NKAIN3: variants seen among roughly 807,000 people sequenced by gnomAD.
The protein encoded by NKAIN3 is sodium/potassium transporting ATPase interacting 3.
In NKAIN3, 25 loss-of-function variants were observed where a neutral mutation model predicts 30.2. The observed-to-expected ratio is 0.83, with a 90% confidence interval of 0.60 to 1.16. The LOEUF (loss-of-function observed/expected upper bound fraction) is 1.16, where lower values mean the gene tolerates loss of function less well. Ranked by LOEUF, NKAIN3 falls within the 50% of genes most tolerant of loss-of-function variation. The pLI, the probability that NKAIN3 is intolerant of heterozygous loss-of-function variation, is 0.00. For synonymous variants in NKAIN3, 91 were observed against 89.6 expected (o/e 1.02, Z -0.09); for missense variants, 225 against 254.1 (o/e 0.89, Z 0.78).
intron 3 of NKAIN3, among the ~76,000 whole-genome samples, chr8:62,654,952 C>G (rs1225250478): frequency 6.6e-6 from 1 of 152,150 alleles, no homozygotes; most frequent in Admixed American, 6.6e-5. Context: ...GTAGTCCAGG[C>G]TGGAACAAGG....
intron 1 of NKAIN3, among the ~76,000 whole-genome samples, chr8:62,421,924 C>G (rs1312771084): frequency 6.6e-6 from 1 of 151,978 alleles, no homozygotes; most frequent in Non-Finnish European, 1.5e-5. Flanking sequence ...GATTCAAACT[C>G]AAGCCTCCAG....
At chr8:62,627,894 G>T (rs1374499775) in intron 3 of NKAIN3, among the ~76,000 whole-genome samples, 1 of 151,996 alleles carries the variant, frequency 6.6e-6, no homozygotes, top group Non-Finnish European at 1.5e-5. Flanking sequence ...CTGGGACGTG[G>T]TTTCCTTATC....
rs190813595 is a variant in NKAIN3, at chr8:62,974,525, T to G, written c.*9118T>G. Among the ~76,000 whole-genome samples, 112 of 152,336 alleles carry G rather than the reference T, an allele frequency of 7.4e-4. 1 individual carries two copies. The highest frequency in any genetic ancestry group is 2.6e-3 in the African/African-American group (109 of 41,584). On this transcript the variant is annotated 3_prime_UTR_variant, in exon 7 of 7. Transcript: ENST00000623646. Reference sequence around the variant, plus strand: ...CACATTGATTTTGTATCCTGCAACTTTGCTGAAATTGCTTATCTCTTTAAG... The same window carrying G: ...CACATTGATTTTGTATCCTGCAACTGTGCTGAAATTGCTTATCTCTTTAAG...
At chr8:62,513,942 G>A (rs992489182) in intron 1 of NKAIN3, among the ~76,000 whole-genome samples, 4 of 150,718 alleles carry the variant, frequency 2.7e-5, no homozygotes, top group African/African-American at 7.3e-5. Context: ...GAACTTAGGA[G>A]TAGATGAAAG....
chr8:62,923,345 A>T (rs983655668), intron 5 of NKAIN3, among the ~76,000 whole-genome samples: 3 of 152,070 alleles, frequency 2.0e-5, no homozygotes, highest in Non-Finnish European at 2.9e-5. Flanking sequence ...TAAGAAAAAG[A>T]AATATTTGTT....
intron 4 of NKAIN3, chr8:62,855,685 G>C: frequency 6.2e-7 from 1 of 1,602,746 alleles, no homozygotes; most frequent in Non-Finnish European, 8.5e-7. Flanking sequence ...TCTCAAAGCT[G>C]TCACTTCTGC....
intron 1 of NKAIN3, among the ~76,000 whole-genome samples, chr8:62,341,465 T>C (rs1271460630): frequency 6.6e-6 from 1 of 152,042 alleles, no homozygotes; most frequent in Non-Finnish European, 1.5e-5. Context: ...CCTATTTTAC[T>C]GACTGAGAGG....
intron 4 of NKAIN3, chr8:62,855,583 C>T (rs866479318): frequency 1.3e-6 from 2 of 1,586,720 alleles, no homozygotes; most frequent in East Asian, 2.2e-5. Context: ...TTGCTTCAAC[C>T]TTGGGCAATG....
intron 4 of NKAIN3, among the ~76,000 whole-genome samples, chr8:62,909,599 A>T (rs1821875920): frequency 6.6e-6 from 1 of 152,196 alleles, no homozygotes; most frequent in African/African-American, 2.4e-5. Flanking sequence ...AGAACTACAC[A>T]ACAGTCAGCC....
chr8:62,824,556 T>C (rs974468333), intron 4 of NKAIN3, among the ~76,000 whole-genome samples: 2 of 150,262 alleles, frequency 1.3e-5, no homozygotes, highest in Non-Finnish European at 3.0e-5. Flanking sequence ...GCTCTAAAAA[T>C]GATAGACACA....
At chr8:62,812,606 GT>G (rs200081137) in intron 4 of NKAIN3, among the ~76,000 whole-genome samples, 5 of 150,636 alleles carry the variant, frequency 3.3e-5, no homozygotes, top group Non-Finnish European at 5.9e-5. Context: ...TTCTAGGAGA[GT>G]TTTTTTTTAA....
At chr8:62,826,064 C>T (rs940299236) in intron 4 of NKAIN3, among the ~76,000 whole-genome samples, 5 of 152,206 alleles carry the variant, frequency 3.3e-5, no homozygotes, top group African/African-American at 9.7e-5. Context: ...CCCTAATCAT[C>T]GAGTCACGTA....
intron 3 of NKAIN3, among the ~76,000 whole-genome samples, chr8:62,624,108 A>T (rs1462387858): frequency 6.6e-6 from 1 of 152,090 alleles, no homozygotes; most frequent in Non-Finnish European, 1.5e-5. Context: ...CATTGTAATT[A>T]TTGTGTAATG....
intron 3 of NKAIN3, among the ~76,000 whole-genome samples, chr8:62,658,947 TGAG>T (rs1401353951): frequency 1.3e-5 from 2 of 151,910 alleles, no homozygotes; most frequent in Non-Finnish European, 2.9e-5. Flanking sequence ...GCAGCAGTGA[TGAG>T]GAGAAAAGAG....
chr8:62,772,278 G>A (rs1817040373), intron 4 of NKAIN3, among the ~76,000 whole-genome samples: 1 of 152,142 alleles, frequency 6.6e-6, no homozygotes, highest in Non-Finnish European at 1.5e-5. Flanking sequence ...CATTGTGTAT[G>A]TATACCACAT....
intron 1 of NKAIN3, among the ~76,000 whole-genome samples, chr8:62,314,255 A>AT (rs748291974): frequency 5.3e-5 from 8 of 152,148 alleles, no homozygotes; most frequent in Non-Finnish European, 1.0e-4. Flanking sequence ...CTCTTTTAAC[A>AT]TTTAAAACCA....
intron 1 of NKAIN3, among the ~76,000 whole-genome samples, chr8:62,444,216 C>G (rs1805415655): frequency 6.6e-6 from 1 of 152,030 alleles, no homozygotes; most frequent in African/African-American, 2.4e-5. Flanking sequence ...TATCCATCAC[C>G]TTAAAATTTT....
chr8:62,647,085 A>T (rs1812482189), intron 3 of NKAIN3, among the ~76,000 whole-genome samples: 1 of 152,172 alleles, frequency 6.6e-6, no homozygotes, highest in Admixed American at 6.6e-5. Flanking sequence ...AGGAAGACAA[A>T]CGTTGAGATT....
chr8:62,312,237 C>T (rs534656928), intron 1 of NKAIN3, among the ~76,000 whole-genome samples: 1 of 150,634 alleles, frequency 6.6e-6, no homozygotes, highest in Admixed American at 6.6e-5. Flanking sequence ...AGTTATGTAG[C>T]AGTTTTATTT....
Sources: gnomAD v4.1 joint callset for allele counts (sites outside exome capture counted in the v4.1 genomes callset) on GRCh38, gnomAD v4.1.1 for gene constraint, MANE v1.5 for transcripts, NCBI Gene and HGNC (gene_info 2026-07-23, HGNC 2026-07-21) for gene names.